GLG1: variants seen among roughly 807,000 people sequenced by gnomAD.
GLG1 encodes the protein golgi glycoprotein 1.
GLG1 carries 38 observed loss-of-function variants against 160.5 expected under a neutral mutation model. That is an observed-to-expected ratio of 0.24 (90% CI 0.18 to 0.31). The LOEUF (loss-of-function observed/expected upper bound fraction) is 0.31. Among genes scored for constraint, GLG1 ranks in the 10% least tolerant of loss-of-function variants. GLG1 has a pLI of 1.00. For synonymous variants in GLG1, 644 were observed against 543.4 expected, an observed-to-expected ratio of 1.19 and a Z score of -2.57; for missense variants, 1,373 against 1,505.2, an observed-to-expected ratio of 0.91 and a Z score of 1.45.
rs150824249 is a variant in GLG1 at position 74,503,750 on chromosome 16, C to T, written c.559-4G>A. ...GTTCATCAGCACATTCTTTAATCTG[C>T]TCAAAATAAAGTAGCTGTTTTACAA... On this transcript the variant is annotated splice_polypyrimidine_tract_variant and splice_region_variant and intron_variant, in intron 3 of 25. Transcript: ENST00000422840. The T allele has an allele frequency of 7.5e-6, 12 of 1,589,646 alleles. No individual in the cohort carries two copies. Among genetic ancestry groups the T allele is most frequent in the Non-Finnish European group, 9.5e-6 (11 of 1,157,938 alleles).
intron 1 of GLG1, among the ~76,000 whole-genome samples, chr16:74,559,984 G>A (rs907422315): frequency 2.6e-5 from 4 of 152,146 alleles, no homozygotes; most frequent in African/African-American, 7.2e-5. Flanking sequence ...TTTATATAGT[G>A]CAATCTGTCA....
At chr16:74,487,508 T>C (rs551954553) in intron 8 of GLG1, among the ~76,000 whole-genome samples, 1 of 152,178 alleles carries the variant, frequency 6.6e-6, no homozygotes, top group Admixed American at 6.5e-5. Context: ...AGATTTCCAA[T>C]ATTCTACGAT....
intron 22 of GLG1, among the ~76,000 whole-genome samples, chr16:74,460,390 C>T (rs974981018): frequency 6.6e-6 from 1 of 152,160 alleles, no homozygotes; most frequent in African/African-American, 2.4e-5. Flanking sequence ...CTCCTGACCT[C>T]AGGTGATCCT....
At position 74,452,357 on chromosome 16, in the gene GLG1, T is replaced by G. The variant is rs764541772; in HGVS notation, c.*810A>C. 2.2e-6 allele frequency: 3 copies of G among 1,364,530 alleles called. No homozygotes were observed. In the African/African-American group the frequency reaches 4.4e-5, roughly 20 times the overall value. The allele number at this position is 1,364,530 out of a possible 1,614,324, so 84.5% of individuals were successfully genotyped here. On this transcript the variant is annotated 3_prime_UTR_variant, in exon 26 of 26. Coordinates refer to ENST00000422840, the MANE Select transcript of GLG1 (RefSeq NM_001145667.2). Reference sequence around the variant, plus strand: ...GATCCTGCTGCCCCGGGACTCAGGATCCAGCCTCTCAGTGCAGATGGATGG... The same window carrying G: ...GATCCTGCTGCCCCGGGACTCAGGAGCCAGCCTCTCAGTGCAGATGGATGG...
intron 2 of GLG1, among the ~76,000 whole-genome samples, chr16:74,522,985 T>C (rs2017218137): frequency 6.6e-6 from 1 of 152,178 alleles, no homozygotes; most frequent in South Asian, 2.1e-4. Flanking sequence ...AACCCAGCAA[T>C]ACTGTCTTTA....
At chr16:74,577,549 T>C (rs953008942) in intron 1 of GLG1, among the ~76,000 whole-genome samples, 23 of 146,242 alleles carry the variant, frequency 1.6e-4, no homozygotes. Context: ...GAATCCCAAA[T>C]ACAATAATGA....
chr16:74,534,992 TG>T (rs1435568510), intron 1 of GLG1, among the ~76,000 whole-genome samples: 1 of 152,190 alleles, frequency 6.6e-6, no homozygotes, highest in Non-Finnish European at 1.5e-5. Flanking sequence ...CTGGGTAGTT[TG>T]GCCTGTATTC....
At chr16:74,454,302 C>T (rs985346160) in intron 25 of GLG1, among the ~76,000 whole-genome samples, 2 of 151,974 alleles carry the variant, frequency 1.3e-5, no homozygotes, top group African/African-American at 4.8e-5. Context: ...AACTCCTGAG[C>T]TCAAGGGATC....
chr16:74,466,736 G>T (rs1239460257), intron 18 of GLG1, among the ~76,000 whole-genome samples: 1 of 152,118 alleles, frequency 6.6e-6, no homozygotes, highest in Admixed American at 6.6e-5. Flanking sequence ...GCTAGGAAAT[G>T]AAAAACAAAA....
chr16:74,588,770 T>C (rs746211506), intron 1 of GLG1, among the ~76,000 whole-genome samples: 50 of 152,114 alleles, frequency 3.3e-4, no homozygotes, highest in Non-Finnish European at 4.6e-4. Flanking sequence ...TGATTCGTGG[T>C]TTTTCACCTG....
Position 74,540,049 on chromosome 16 carries a change from ATATATATTTTATATATATATAT to A in GLG1, c.439-7918_439-7897del, listed in dbSNP as rs1567512058. ...ATTATATATATTTTATATATATATT[ATATATATTTTATATATATATAT>A]TATATATATTTTATATATATATTAT... On this transcript the variant is annotated intron_variant, in intron 1 of 25. Coordinates refer to ENST00000422840, the MANE Select transcript of GLG1 (RefSeq NM_001145667.2). 2.3e-3 allele frequency among the ~76,000 whole-genome samples: 6 copies of A among 2,592 alleles called. 2 individuals are homozygous for A. The highest frequency in any genetic ancestry group is 0.034 in the South Asian group (2 of 58). 1.7% of individuals were successfully genotyped at this position (2,592 alleles called of 152,430 possible). A position where few individuals can be genotyped will look rare whatever the true frequency, so the allele number is the denominator to read the frequency against.
rs555890822 is a variant in GLG1 at position 74,473,188 on chromosome 16, C to T, written c.2053-777G>A. Among the ~76,000 whole-genome samples, 159 of 152,084 alleles carry T rather than the reference C, an allele frequency of 1.0e-3. 1 individual carries two copies. The highest frequency in any genetic ancestry group is 1.6e-3 in the Non-Finnish European group (110 of 67,988). On this transcript the variant is annotated intron_variant, in intron 13 of 25. Transcript: ENST00000422840. ...TGTATTTCTAAATAACATCCCAGTG[C>T]TTTATGAGGGTTTCTAATCCCCCTT... is the stretch of plus-strand genomic sequence containing the variant.
At chr16:74,455,612 G>C (rs989648559) in intron 25 of GLG1, among the ~76,000 whole-genome samples, 2 of 152,168 alleles carry the variant, frequency 1.3e-5, no homozygotes, top group African/African-American at 2.4e-5. Flanking sequence ...GACTTTCTCT[G>C]ATTGTTCCTC....
At chr16:74,504,251 A>T (rs1398594517) in intron 3 of GLG1, among the ~76,000 whole-genome samples, 1 of 152,204 alleles carries the variant, frequency 6.6e-6, no homozygotes, top group Non-Finnish European at 1.5e-5. Context: ...AAGGAGAGAC[A>T]GGAGGGAAGG....
intron 1 of GLG1, among the ~76,000 whole-genome samples, chr16:74,594,251 T>C (rs776941092): frequency 1.6e-4 from 25 of 152,188 alleles, no homozygotes; most frequent in African/African-American, 3.6e-4. Context: ...TTTTAAGAAT[T>C]TGTTTTATTT....
chr16:74,480,401 GGTTAAGA>G lies in GLG1; in HGVS notation c.1674-14_1674-8del. 1 of 1,595,122 alleles carries G rather than the reference GGTTAAGA, an allele frequency of 6.3e-7. No individual in the cohort carries two copies. ...GTACAGGACAGGGTCCAGCCTATAAGGTTAAGAGTTAAAAGATAACCACTAATTAATA... is the reference window on the plus strand; with the variant it reads ...GTACAGGACAGGGTCCAGCCTATAAGGTTAAAAGATAACCACTAATTAATA... On this transcript the variant is annotated splice_polypyrimidine_tract_variant and splice_region_variant and intron_variant, in intron 10 of 25. Transcript: ENST00000422840.
chr16:74,541,410 C>G (rs931276490), intron 1 of GLG1, among the ~76,000 whole-genome samples: 4 of 151,954 alleles, frequency 2.6e-5, no homozygotes, highest in Admixed American at 6.5e-5. Context: ...TAACGGATCC[C>G]CTCAAGCTAT....
chr16:74,488,641 G>A (rs2015874354), intron 8 of GLG1, among the ~76,000 whole-genome samples: 1 of 151,484 alleles, frequency 6.6e-6, no homozygotes, highest in Non-Finnish European at 1.5e-5. Flanking sequence ...ATTTTTTGAG[G>A]TGGAGTCTTG....
intron 1 of GLG1, among the ~76,000 whole-genome samples, chr16:74,579,138 G>A (rs902198041): frequency 6.6e-6 from 1 of 152,030 alleles, no homozygotes; most frequent in African/African-American, 2.4e-5. Flanking sequence ...CTATGATCGC[G>A]CCACTGCACT....
Sources: gnomAD v4.1 joint callset for allele counts (sites outside exome capture counted in the v4.1 genomes callset) on GRCh38, gnomAD v4.1.1 for gene constraint, MANE v1.5 for transcripts, NCBI Gene and HGNC (gene_info 2026-07-23, HGNC 2026-07-21) for gene names.